Variants in ALDH8A1 observed in about 807,000 individuals in gnomAD.
ALDH8A1 encodes the protein aldehyde dehydrogenase 8 family member A1.
A neutral mutation model predicts 43.3 loss-of-function variants in ALDH8A1; 39 were observed. The ratio of observed to expected loss-of-function variants is 0.90; its 90% confidence interval spans 0.70 to 1.18. The LOEUF is 1.18. ALDH8A1 is among the 50% of genes most tolerant of loss of function. The pLI is 0.00. For missense variants in ALDH8A1, 605 were observed against 622.6 expected, an observed-to-expected ratio of 0.97 and a Z score of 0.30; for synonymous variants, 233 against 243.5, an observed-to-expected ratio of 0.96 and a Z score of 0.40.
At position 134,933,042 on chromosome 6, in the gene ALDH8A1, A is replaced by G; in HGVS notation, c.593-10T>C. Reference sequence around the variant, plus strand: ...ACACCTGGTGGAACACCTGGATAGGAAACAGTATCAGTTATAGTAATTCTC... The same window carrying G: ...ACACCTGGTGGAACACCTGGATAGGGAACAGTATCAGTTATAGTAATTCTC... On this transcript the variant is annotated splice_polypyrimidine_tract_variant and intron_variant, in intron 4 of 6. Transcript: ENST00000265605. 6.5e-7 allele frequency: 1 copy of G among 1,544,282 alleles called. No homozygotes were observed. The highest frequency in any genetic ancestry group is 2.3e-5 in the East Asian group (1 of 44,344).
rs112653694 is a variant in ALDH8A1 at position 134,918,222 on chromosome 6, C to T, written c.*193G>A. On this transcript the variant is annotated 3_prime_UTR_variant, in exon 7 of 7. Transcript: ENST00000265605. ...CTTCCTACTTATAAGTCTTTTTTTC[C>T]GAGTCCACATTGAAAATAGACAGTA... 4.7e-3 allele frequency: 2,760 copies of T among 585,420 alleles called. 16 individuals carry two copies. Among genetic ancestry groups the T allele is most frequent in the Non-Finnish European group, 7.1e-3 (2,380 of 336,310 alleles). The allele number at this position is 585,420 out of a possible 1,614,324, so 36.3% of individuals were successfully genotyped here.
intron 4 of ALDH8A1, among the ~76,000 whole-genome samples, chr6:134,933,675 C>T (rs1476358866): frequency 1.3e-5 from 2 of 152,170 alleles, no homozygotes; most frequent in Non-Finnish European, 2.9e-5. Flanking sequence ...TATCTTCGTG[C>T]ATTTATGCAT....
intron 1 of ALDH8A1, among the ~76,000 whole-genome samples, chr6:134,945,808 C>T (rs914603124): frequency 6.6e-6 from 1 of 152,156 alleles, no homozygotes; most frequent in Non-Finnish European, 1.5e-5. Context: ...TCATTTCCCT[C>T]ATGCAAAGTG....
chr6:134,924,053 C>G (rs896950496), intron 6 of ALDH8A1, among the ~76,000 whole-genome samples: 6 of 152,088 alleles, frequency 3.9e-5, no homozygotes, highest in Admixed American at 6.5e-5. Flanking sequence ...ACAAGGGGAG[C>G]CCGAGGGAAA....
At chr6:134,944,187 C>T in intron 1 of ALDH8A1, 2 of 497,100 alleles carry the variant, frequency 4.0e-6, no homozygotes, top group Non-Finnish European at 6.9e-6. Flanking sequence ...CCCACCTCAG[C>T]CTCCTGAGCA....
chr6:134,935,953 CTT>C (rs5880239), intron 4 of ALDH8A1, among the ~76,000 whole-genome samples: 19 of 138,856 alleles, frequency 1.4e-4, no homozygotes, highest in Non-Finnish European at 7.9e-5. Context: ...AGCCCCACTT[CTT>C]TTTTTTTTTT....
intron 1 of ALDH8A1, among the ~76,000 whole-genome samples, chr6:134,945,254 C>T (rs1773931074): frequency 6.6e-6 from 1 of 152,072 alleles, no homozygotes; most frequent in Non-Finnish European, 1.5e-5. Flanking sequence ...AGCAATTTGC[C>T]ATAGGTCACA....
intron 6 of ALDH8A1, among the ~76,000 whole-genome samples, chr6:134,922,736 G>C (rs1002487676): frequency 6.6e-6 from 1 of 152,136 alleles, no homozygotes; most frequent in Non-Finnish European, 1.5e-5. Flanking sequence ...CCCCTTTGAA[G>C]CAGTGGAATT....
chr6:134,938,535 A>G (rs1773790321), intron 4 of ALDH8A1, among the ~76,000 whole-genome samples: 2 of 152,248 alleles, frequency 1.3e-5, no homozygotes, highest in South Asian at 4.1e-4. Flanking sequence ...GGCTACTTCT[A>G]CTAGGTATTC....
Position 134,918,613 on chromosome 6 carries a change from G to A in ALDH8A1, c.1266C>T (p.Thr422=), listed in dbSNP as rs1236104825. 8.7e-6 allele frequency: 14 copies of A among 1,614,032 alleles called. No individual in the cohort carries two copies. The highest frequency in any genetic ancestry group is 5.3e-5 in the African/African-American group (4 of 74,924). The change falls in exon 7 of 7, where the codon ACC becomes ACT. Residue 422 remains threonine (T), a synonymous_variant. Coordinates refer to ENST00000265605, the MANE Select transcript of ALDH8A1 (RefSeq NM_022568.4). ...CGCGCCCCACATTGCTGGACCACACGGTAGCCGCCAGCCCATACTTAACGT... is the reference window on the plus strand; with the variant it reads ...CGCGCCCCACATTGCTGGACCACACAGTAGCCGCCAGCCCATACTTAACGT... ...ANNVKYGLAA[T]VWSSNVGRVH...
At position 134,949,996 on chromosome 6, in the gene ALDH8A1, G is replaced by A. The variant is rs376655547; in HGVS notation, c.58C>T (p.Pro20Ser). The A allele has an allele frequency of 2.5e-6, 4 of 1,612,862 alleles. No individual in the cohort carries two copies. Among genetic ancestry groups the A allele is most frequent in the Non-Finnish European group, 3.4e-6 (4 of 1,179,510 alleles). ...LENFIDGKFLPCSSYIDSYDP... is the reference protein window; with the variant it reads ...LENFIDGKFLSCSSYIDSYDP... The stretch of plus-strand genomic sequence containing the variant: ...TAAGAATCTATATATGAGCTACAAG[G>A]TAAAAATTTTCCATCTATGAAGTTT... The change falls in exon 1 of 7, where the codon CCT becomes TCT. Residue 20 changes from proline to serine, a missense_variant. Physicochemically the swap from Pro to Ser is moderately conservative, Grantham distance 74. Transcript: ENST00000265605.
rs536394144 is a variant in ALDH8A1 at position 134,918,495 on chromosome 6, T to C, written c.1384A>G (p.Ser462Gly). 26 of 1,614,114 alleles carry C rather than the reference T, an allele frequency of 1.6e-5. 1 individual carries two copies. The Admixed American group carries it at 4.0e-4, about 25-fold the overall frequency. The change falls in exon 7 of 7, where the codon AGT becomes GGT. Residue 462 changes from serine to glycine, a missense_variant. Ser to Gly is a moderately conservative substitution (Grantham distance 56). Coordinates refer to ENST00000265605, the MANE Select transcript of ALDH8A1 (RefSeq NM_022568.4). ...ELNLPFGGMK[S>G]SGIGREGAKD... ...GCTCCCTCTCTACCTATTCCAGAAC[T>C]CTTCATCCCCCCGAAAGGAAGGTTC...
Position 134,949,992 on chromosome 6 carries a change from C to A in ALDH8A1, c.62G>T (p.Cys21Phe), listed in dbSNP as rs138339786. The A allele has an allele frequency of 3.1e-6, 5 of 1,613,076 alleles. No individual in the cohort carries two copies. The highest frequency in any genetic ancestry group is 4.2e-6 in the Non-Finnish European group (5 of 1,179,578). ...GTCGTAAGAATCTATATATGAGCTA[C>A]AAGGTAAAAATTTTCCATCTATGAA... The part of the protein sequence containing the change: ...ENFIDGKFLP[C>F]SSYIDSYDPS... The change falls in exon 1 of 7, where the codon TGT becomes TTT. Residue 21 changes from cysteine to phenylalanine, a missense_variant. Physicochemically the swap from Cys to Phe is radical, Grantham distance 205 (BLOSUM62 -2). Transcript: ENST00000265605.
intron 2 of ALDH8A1, among the ~76,000 whole-genome samples, chr6:134,943,044 G>T (rs1487989507): frequency 1.3e-5 from 2 of 152,190 alleles, no homozygotes; most frequent in African/African-American, 4.8e-5. Context: ...GCCCTGGCAC[G>T]GGATGCTGTG....
In ALDH8A1 at chr6:134,942,421, G is replaced by C. The variant is rs1201941253; in HGVS notation, c.430C>G (p.Pro144Ala). Residue 144 changes from proline (P) to alanine (A), a missense_variant, in exon 3 of 7, where the codon CCG becomes GCG. Transcript: ENST00000265605. ...LGCMHYTVRA[P>A]VGVAGLISPW... ...GAACAGCACTCACCGACTCCCACCGGGGCCCGCACCGTGTAGTGCATGCAG... is the reference window on the plus strand; with the variant it reads ...GAACAGCACTCACCGACTCCCACCGCGGCCCGCACCGTGTAGTGCATGCAG... The C allele has an allele frequency of 6.2e-7, 1 of 1,611,118 alleles. No homozygotes were observed. The highest frequency in any genetic ancestry group is 8.5e-7 in the Non-Finnish European group (1 of 1,178,084).
intron 6 of ALDH8A1, among the ~76,000 whole-genome samples, chr6:134,926,029 A>C (rs964333045): frequency 2.6e-5 from 4 of 152,120 alleles, no homozygotes; most frequent in Admixed American, 2.0e-4. Context: ...AACAGATCGT[A>C]GCCAGTTTCT....
chr6:134,945,765 G>A (rs955410463), intron 1 of ALDH8A1, among the ~76,000 whole-genome samples: 2 of 152,088 alleles, frequency 1.3e-5, no homozygotes, highest in Non-Finnish European at 2.9e-5. Context: ...GCCTGTGCTA[G>A]CCCTCATGCA....
rs1377887237 is a variant in ALDH8A1 at position 134,939,330 on chromosome 6, T to G, written c.528A>C (p.Ile176=). ...APAMAAGNTV[I]AKPSELTSVT... ...CTGAAGTCAGCTCACTGGGCTTGGCTATCACAGTGTTCCCTGCAGCCATCG... is the reference window on the plus strand; with the variant it reads ...CTGAAGTCAGCTCACTGGGCTTGGCGATCACAGTGTTCCCTGCAGCCATCG... Residue 176 remains isoleucine, a synonymous_variant, in exon 4 of 7, where the codon ATA becomes ATC. Coordinates refer to ENST00000265605, the MANE Select transcript of ALDH8A1 (RefSeq NM_022568.4). 1.2e-6 allele frequency: 2 copies of G among 1,614,228 alleles called. No homozygotes were observed. The highest frequency in any genetic ancestry group is 1.7e-6 in the Non-Finnish European group (2 of 1,180,038).
chr6:134,931,285 T>C (rs2294320), intron 5 of ALDH8A1, among the ~76,000 whole-genome samples: 10,545 of 152,162 alleles, frequency 0.069, 729 homozygotes, highest in East Asian at 0.26. Context: ...GTTTTTGAGA[T>C]GGATTCTTGC....
Sources: allele counts gnomAD v4.1 joint callset (sites outside exome capture counted in the v4.1 genomes callset), GRCh38; gene constraint gnomAD v4.1.1; transcripts MANE v1.5; gene names NCBI Gene and HGNC (gene_info 2026-07-23, HGNC 2026-07-21).